TMTC1: variants seen among roughly 807,000 people sequenced by gnomAD.
TMTC1 encodes transmembrane O-mannosyltransferase targeting cadherins 1.
TMTC1 carries 73 observed loss-of-function variants against 104.8 expected under a neutral mutation model. The ratio of observed to expected loss-of-function variants is 0.70; its 90% CI spans 0.58 to 0.85. The LOEUF (loss-of-function observed/expected upper bound fraction) is 0.85, where lower values mean the gene tolerates loss of function less well. Among genes scored for constraint, TMTC1 ranks in the 40% least tolerant of loss-of-function variants. The probability of loss-of-function intolerance (pLI) is 0.00; values close to 1 mark genes in which losing one functional copy is unlikely to be tolerated. For missense variants in TMTC1, 1,035 were observed against 1,096.1 expected (o/e 0.94, Z 0.79); for synonymous variants, 434 against 428.7 (o/e 1.01, Z -0.15).
At chr12:29,635,192 CA>C (rs35368951) in intron 5 of TMTC1, among the ~76,000 whole-genome samples, 7,414 of 141,690 alleles carry the variant, frequency 0.052, 559 homozygotes, top group African/African-American at 0.17. Context: ...CAAAAAATGC[CA>C]AAAAAAAAAA....
chr12:29,733,114 C>T (rs1942586637), intron 5 of TMTC1, among the ~76,000 whole-genome samples: 1 of 152,136 alleles, frequency 6.6e-6, no homozygotes, highest in Non-Finnish European at 1.5e-5. Flanking sequence ...CAATTTTCTC[C>T]CATGCAAAAT....
chr12:29,665,030 A>C (rs765359460), intron 5 of TMTC1, among the ~76,000 whole-genome samples: 1 of 152,154 alleles, frequency 6.6e-6, no homozygotes, highest in Non-Finnish European at 1.5e-5. Context: ...TTTATTAATG[A>C]ATGTTAGACC....
At chr12:29,575,668 C>A (rs1464282192) in intron 8 of TMTC1, among the ~76,000 whole-genome samples, 2 of 152,262 alleles carry the variant, frequency 1.3e-5, no homozygotes, top group South Asian at 2.1e-4. Context: ...CCCACACTTA[C>A]AGCTGCTTCA....
At chr12:29,594,668 A>C (rs1043388391) in intron 7 of TMTC1, among the ~76,000 whole-genome samples, 1 of 152,242 alleles carries the variant, frequency 6.6e-6, no homozygotes, top group African/African-American at 2.4e-5. Flanking sequence ...TTGATGAACA[A>C]GAGGCTGAAA....
At chr12:29,771,953 A>T (rs1055263311) in intron 1 of TMTC1, among the ~76,000 whole-genome samples, 1 of 152,200 alleles carries the variant, frequency 6.6e-6, no homozygotes, top group Admixed American at 6.5e-5. Context: ...CTCATTCATG[A>T]TTATCATACA....
intron 1 of TMTC1, among the ~76,000 whole-genome samples, chr12:29,775,625 T>C (rs1274786659): frequency 1.3e-5 from 2 of 152,176 alleles, no homozygotes; most frequent in Non-Finnish European, 2.9e-5. Context: ...AAGGTATGAT[T>C]ACCTACCAGG....
chr12:29,599,956 GTGTA>G (rs1946512616), intron 7 of TMTC1, among the ~76,000 whole-genome samples: 1 of 136,198 alleles, frequency 7.3e-6, no homozygotes, highest in African/African-American at 3.2e-5. Flanking sequence ...GTATATATAT[GTGTA>G]TATATATATG....
chr12:29,745,896 C>T (rs1942944001), intron 5 of TMTC1, among the ~76,000 whole-genome samples: 1 of 152,104 alleles, frequency 6.6e-6, no homozygotes, highest in Non-Finnish European at 1.5e-5. Flanking sequence ...GATCTGAATA[C>T]GGTCACCTAA....
rs548187003 is a variant in TMTC1 at position 29,727,129 on chromosome 12, G to T, written c.938+24537C>A. ...CAATGTCTCAGCTTCTCTGTATTTG[G>T]TAAGATTCAATGTGTGATTTATTGA... On this transcript the variant is annotated intron_variant, in intron 5 of 17. Transcript: ENST00000539277. Among the ~76,000 whole-genome samples the T allele has an allele frequency of 2.6e-5, 4 of 152,328 alleles. No homozygotes were observed. The East Asian group carries it at 7.7e-4, about 29-fold the overall frequency.
intron 5 of TMTC1, among the ~76,000 whole-genome samples, chr12:29,671,344 C>T (rs11050358): frequency 5.4e-4 from 37 of 68,120 alleles, no homozygotes; most frequent in Admixed American, 2.0e-3. Context: ...AAGAAATAAA[C>T]AAAAAGTCTA....
At chr12:29,698,648 C>G (rs1367902565) in intron 5 of TMTC1, among the ~76,000 whole-genome samples, 5 of 152,164 alleles carry the variant, frequency 3.3e-5, no homozygotes, top group African/African-American at 7.2e-5. Context: ...CTCATTCCCC[C>G]CAAACAGTCA....
chr12:29,517,738 C>CA (rs1944029685), intron 13 of TMTC1, among the ~76,000 whole-genome samples, 167 bp from the exon 14 acceptor site: 1 of 151,716 alleles, frequency 6.6e-6, no homozygotes, highest in Non-Finnish European at 1.5e-5. Flanking sequence ...TTTTTTGAGA[C>CA]AGAGTCTCAC....
chr12:29,526,130 C>A (rs1592172903), intron 11 of TMTC1, among the ~76,000 whole-genome samples: 1 of 152,210 alleles, frequency 6.6e-6, no homozygotes, highest in East Asian at 1.9e-4. Context: ...GTTTGACCAC[C>A]CAAATATTAG....
chr12:29,712,548 TTAAAA>T (rs1941958372), intron 5 of TMTC1, among the ~76,000 whole-genome samples: 1 of 152,226 alleles, frequency 6.6e-6, no homozygotes, highest in African/African-American at 2.4e-5. Context: ...TCTATATTTC[TTAAAA>T]TGAAGAAAAT....
At position 29,522,575 on chromosome 12, in the gene TMTC1, T is replaced by TGTGG. The variant is rs552501896; in HGVS notation, c.1786-1856_1786-1855insCCAC. On this transcript the variant is annotated intron_variant, in intron 11 of 17. Transcript: ENST00000539277. Reference sequence around the variant, plus strand: ...GACAATGTGTGTGTGTGTGTGTGTGTGTGTGTGTGTGTAATGAAGACAGGC... The same window carrying TGTGG: ...GACAATGTGTGTGTGTGTGTGTGTGTGTGGGTGTGTGTGTGTAATGAAGACAGGC... Among the ~76,000 whole-genome samples the TGTGG allele has an allele frequency of 9.6e-3, 1,462 of 151,566 alleles. 26 individuals carry two copies. The highest frequency in any genetic ancestry group is 0.028 in the African/African-American group (1,161 of 41,416).
chr12:29,662,827 A>C (rs1940098182), intron 5 of TMTC1, among the ~76,000 whole-genome samples: 1 of 152,180 alleles, frequency 6.6e-6, no homozygotes, highest in Admixed American at 6.5e-5. Context: ...ATACATGCTC[A>C]GATCTGGCCG....
At chr12:29,770,523 T>G (rs185975904) in intron 1 of TMTC1, among the ~76,000 whole-genome samples, 1 of 152,280 alleles carries the variant, frequency 6.6e-6, no homozygotes, top group East Asian at 1.9e-4. Flanking sequence ...GCACAAGATA[T>G]CGTTCATGCA....
At chr12:29,746,962 G>C (rs1179976745) in intron 5 of TMTC1, among the ~76,000 whole-genome samples, 1 of 152,216 alleles carries the variant, frequency 6.6e-6, no homozygotes, top group South Asian at 2.1e-4. Context: ...CACATAGTAG[G>C]TGCTCAGTAA....
intron 10 of TMTC1, among the ~76,000 whole-genome samples, chr12:29,545,246 A>G (rs2136226243): frequency 6.6e-6 from 1 of 151,952 alleles, no homozygotes; most frequent in South Asian, 2.1e-4. Context: ...TTTTTCTTTT[A>G]CTTCTCAGTT....
Sources: gnomAD v4.1 joint callset for allele counts (sites outside exome capture counted in the v4.1 genomes callset) on GRCh38, gnomAD v4.1.1 for gene constraint, MANE v1.5 for transcripts, NCBI Gene and HGNC (gene_info 2026-07-23, HGNC 2026-07-21) for gene names.